The following DCAF8L2 variants were observed in gnomAD, a reference collection of about 807,000 sequenced individuals.
DCAF8L2 encodes DDB1 and CUL4 associated factor 8 like 2.
For synonymous variants in DCAF8L2, 200 were observed against 190.9 expected, an observed-to-expected ratio of 1.05 and a Z score of -0.39; for missense variants, 430 against 490.7, an observed-to-expected ratio of 0.88 and a Z score of 1.17.
the DCAF8L2 span, among the ~76,000 whole-genome samples, chrX:27,528,430 ATATG>A: frequency 9.7e-6 from 1 of 103,060 alleles, no homozygotes; most frequent in Non-Finnish European, 1.9e-5. Flanking sequence ...TTTTACATAT[ATATG>A]TATGTGTATA....
chrX:27,724,145 C>T (rs1931994350), intron 4 of DCAF8L2, among the ~76,000 whole-genome samples: 1 of 110,315 alleles, frequency 9.1e-6, no homozygotes, highest in Non-Finnish European at 1.9e-5. Context: ...AAACATGCAT[C>T]TTGTATGATT....
chrX:27,598,606 C>T (rs1017087844), intron 1 of DCAF8L2, among the ~76,000 whole-genome samples: 1 of 112,097 alleles, frequency 8.9e-6, no homozygotes, highest in Non-Finnish European at 1.9e-5. Flanking sequence ...CCTTTGTTCT[C>T]GCTTCTGCAA....
chrX:27,494,958 T>C, the DCAF8L2 span, among the ~76,000 whole-genome samples: 1 of 111,883 alleles, frequency 8.9e-6, no homozygotes, highest in Non-Finnish European at 1.9e-5. Flanking sequence ...TGAGTTGTTT[T>C]AGTGTTTTGT....
chrX:27,709,837 A>G (rs769341219), intron 3 of DCAF8L2, among the ~76,000 whole-genome samples: 1 of 107,944 alleles, frequency 9.3e-6, no homozygotes, highest in Non-Finnish European at 2.0e-5. Context: ...TTTTTTAACA[A>G]TGTCTTTCAA....
At chrX:27,738,031 C>G (rs2147330473) in intron 4 of DCAF8L2, among the ~76,000 whole-genome samples, 1 of 111,418 alleles carries the variant, frequency 9.0e-6, no homozygotes, top group South Asian at 3.8e-4. Flanking sequence ...TTAAACCCAC[C>G]AAGGCAATCA....
the DCAF8L2 span, among the ~76,000 whole-genome samples, chrX:27,473,650 A>AT: frequency 5.6e-5 from 6 of 106,512 alleles, no homozygotes; most frequent in Admixed American, 1.0e-4. Context: ...TTGGGGTTGC[A>AT]TTTTTTTTTT....
rs1363057347 is a variant in DCAF8L2, at chrX:27,747,526, G to A, written c.631G>A (p.Ala211Thr). 2 of 1,178,650 alleles carry A rather than the reference G, an allele frequency of 1.7e-6. No homozygotes were observed. The highest frequency in any genetic ancestry group is 3.1e-5 in the East Asian group (1 of 31,780). ...CCGCTTTGTATATGAGGCCTGTGGGGCAAGAGCCTTTGTGCAGCGTTTCCG... is the reference window on the plus strand; with the variant it reads ...CCGCTTTGTATATGAGGCCTGTGGGACAAGAGCCTTTGTGCAGCGTTTCCG... ...RPRFVYEACG[A>T]RAFVQRFRLQ... Residue 211 changes from alanine (A) to threonine (T), a missense_variant, in exon 5 of 5, where the codon GCA (alanine) becomes ACA (threonine). Transcript: ENST00000451261.
At chrX:27,709,884 T>A (rs1186047626) in intron 3 of DCAF8L2, among the ~76,000 whole-genome samples, 1 of 111,128 alleles carries the variant, frequency 9.0e-6, no homozygotes, top group Non-Finnish European at 1.9e-5. Context: ...GCCCAATTAT[T>A]TTTTTTTGCT....
intron 2 of DCAF8L2, chrX:27,676,893 T>C (rs1279343623): frequency 9.0e-6 from 1 of 111,504 alleles, no homozygotes; most frequent in African/African-American, 3.3e-5. Context: ...TCCAGACTTT[T>C]CTTTGCTAAT....
At chrX:27,610,981 G>A (rs1927135181) in intron 1 of DCAF8L2, among the ~76,000 whole-genome samples, 1 of 112,239 alleles carries the variant, frequency 8.9e-6, no homozygotes, top group African/African-American at 3.2e-5. Context: ...CATCAGTAAC[G>A]ATTTGAATTC....
the DCAF8L2 span, among the ~76,000 whole-genome samples, chrX:27,573,130 C>T: frequency 9.0e-6 from 1 of 110,763 alleles, no homozygotes; most frequent in Non-Finnish European, 1.9e-5. Context: ...TCACAAGTCA[C>T]GAGTACAAGA....
At chrX:27,624,350 A>T (rs747956265) in intron 1 of DCAF8L2, among the ~76,000 whole-genome samples, 22 of 111,137 alleles carry the variant, frequency 2.0e-4, no homozygotes, top group Admixed American at 9.6e-4. Flanking sequence ...AGTTGCTTCC[A>T]TTACTAGGGC....
At chrX:27,682,487 A>C (rs1037960752) in intron 3 of DCAF8L2, among the ~76,000 whole-genome samples, 8 of 111,625 alleles carry the variant, frequency 7.2e-5, no homozygotes, top group African/African-American at 2.6e-4. Context: ...ATTCCCTTTT[A>C]CTTTAGAGTA....
At chrX:27,476,856 CTGTT>C in the DCAF8L2 span, among the ~76,000 whole-genome samples, 3 of 111,795 alleles carry the variant, frequency 2.7e-5, no homozygotes, top group Non-Finnish European at 5.7e-5. Flanking sequence ...AGATTTGTCT[CTGTT>C]TAATTCTGGA....
At chrX:27,730,510 C>T (rs1308387251) in intron 4 of DCAF8L2, among the ~76,000 whole-genome samples, 3 of 110,618 alleles carry the variant, frequency 2.7e-5, no homozygotes, top group Admixed American at 9.7e-5. Context: ...CTCTGCCCCC[C>T]GGTTTAAAGC....
At chrX:27,635,786 CGTGTGTGTGTGTGTGTGTGT>C (rs754830405) in intron 2 of DCAF8L2, among the ~76,000 whole-genome samples, 49 of 90,355 alleles carry the variant, frequency 5.4e-4, no homozygotes, top group Middle Eastern at 6.0e-3. Context: ...TTTCCTTTTA[CGTGTGTGTGTGTGTGTGTGT>C]GTGTGTGTGT....
At chrX:27,577,263 A>G in the DCAF8L2 span, among the ~76,000 whole-genome samples, 4 of 111,958 alleles carry the variant, frequency 3.6e-5, no homozygotes, top group Non-Finnish European at 7.5e-5. Flanking sequence ...GGATGACTCA[A>G]ATATGATGGT....
intron 2 of DCAF8L2, among the ~76,000 whole-genome samples, chrX:27,645,018 A>T (rs1291856981): frequency 2.7e-5 from 3 of 112,233 alleles, no homozygotes; most frequent in African/African-American, 9.7e-5. Context: ...AGCCTCCTAA[A>T]GTGCTGGGAT....
At chrX:27,555,192 A>T in the DCAF8L2 span, among the ~76,000 whole-genome samples, 1 of 112,032 alleles carries the variant, frequency 8.9e-6, no homozygotes, top group Non-Finnish European at 1.9e-5. Flanking sequence ...CAGAGATAAA[A>T]TATATGGACT....
Sources: allele counts gnomAD v4.1 joint callset (sites outside exome capture counted in the v4.1 genomes callset), GRCh38; gene constraint gnomAD v4.1.1; transcripts MANE v1.5; gene names NCBI Gene and HGNC (gene_info 2026-07-23, HGNC 2026-07-21).